Variants in BUD23 observed in about 807,000 individuals in gnomAD.
BUD23 encodes the protein BUD23 rRNA methyltransferase and ribosome maturation factor, also known as 18S rRNA (guanine-N(7))-methyltransferase.
Under a neutral mutation model 47.0 loss-of-function variants are expected in BUD23, and 34 were observed. The ratio of observed to expected loss-of-function variants is 0.72; its 90% CI spans 0.55 to 0.96. BUD23 has a LOEUF of 0.96. Among genes scored for constraint, BUD23 ranks in the 40% least tolerant of loss-of-function variants. BUD23 has a pLI of 0.00. For synonymous variants in BUD23, 124 were observed against 132.0 expected (o/e 0.94, Z 0.41); for missense variants, 343 against 361.2 (o/e 0.95, Z 0.41).
At chr7:73,695,262 C>CTTT in intron 10 of BUD23, 1 of 144,652 alleles carries the variant, frequency 6.9e-6, no homozygotes, top group Non-Finnish European at 1.5e-5. Context: ...ATCCTCCATT[C>CTTT]TTTTTTTTTT....
At position 73,698,070 on chromosome 7, in the gene BUD23, A is replaced by T; in HGVS notation, c.*184A>T. 5.8e-6 allele frequency: 2 copies of T among 347,028 alleles called. No homozygotes were observed. Among genetic ancestry groups the T allele is most frequent in the Admixed American group, 5.4e-5 (1 of 18,600 alleles). The allele number at this position is 347,028 out of a possible 1,614,324, so 21.5% of individuals were successfully genotyped here. On this transcript the variant is annotated 3_prime_UTR_variant, in exon 12 of 12. Coordinates refer to ENST00000265758, the MANE Select transcript of BUD23 (RefSeq NM_017528.5). ...CAGCACCTTGGGAGGCTGAGGTGGG[A>T]GGATCATTTGAGGCCAGGAGTTTGA...
chr7:73,690,281 G>C (rs565682199), intron 5 of BUD23, among the ~76,000 whole-genome samples: 1 of 152,112 alleles, frequency 6.6e-6, no homozygotes, highest in Non-Finnish European at 1.5e-5. Context: ...CTGGGATTAC[G>C]GGTATGAGCC....
At chr7:73,695,945 G>A (rs1798385884) in intron 10 of BUD23, 1 of 152,088 alleles carries the variant, frequency 6.6e-6, no homozygotes, top group Non-Finnish European at 1.5e-5. Context: ...GTTATTATTT[G>A]TATCTCCAGC....
chr7:73,686,775 T>G, intron 3 of BUD23, 43 bp from the exon 4 acceptor site: 1 of 1,614,072 alleles, frequency 6.2e-7, no homozygotes. Context: ...GGTGGTGAAG[T>G]GTCTTTGTAA....
Position 73,683,796 on chromosome 7 carries a change from C to T in BUD23, c.78C>T (p.Tyr26=), listed in dbSNP as rs1797822256. 1 of 1,614,158 alleles carries T rather than the reference C, an allele frequency of 6.2e-7. No homozygotes were observed. The change falls in exon 2 of 12, where the codon TAC becomes TAT. Residue 26 remains tyrosine (Y), a synonymous_variant. Coordinates refer to ENST00000265758, the MANE Select transcript of BUD23 (RefSeq NM_017528.5). ...LFYDETEARK[Y]VRNSRMIDIQ... ...ATGACGAGACAGAAGCCCGGAAATA[C>T]GTTCGCAAGTGAGGGGAGCCTGAAT...
chr7:73,686,479 C>G (rs1227471397), intron 2 of BUD23, among the ~76,000 whole-genome samples, 157 bp from the exon 3 acceptor site: 2 of 152,122 alleles, frequency 1.3e-5, no homozygotes, highest in Non-Finnish European at 2.9e-5. Flanking sequence ...TTTGTTGATC[C>G]CAACTTAGAA....
Position 73,698,049 on chromosome 7 carries a change from A to G in BUD23, c.*163A>G. ...GGTGGCTCACACCTGTAATCCCAGCACCTTGGGAGGCTGAGGTGGGAGGAT... is the reference window on the plus strand; with the variant it reads ...GGTGGCTCACACCTGTAATCCCAGCGCCTTGGGAGGCTGAGGTGGGAGGAT... On this transcript the variant is annotated 3_prime_UTR_variant, in exon 12 of 12. Transcript: ENST00000265758. 1.6e-6 allele frequency: 1 copy of G among 608,828 alleles called. No individual in the cohort carries two copies. Among genetic ancestry groups the G allele is most frequent in the Non-Finnish European group, 2.5e-6 (1 of 401,808 alleles). The allele number at this position is 608,828 out of a possible 1,614,324, so 37.7% of individuals were successfully genotyped here.
chr7:73,694,227 G>C lies in BUD23; in HGVS notation c.701+177G>C, dbSNP rs1798308749. On this transcript the variant is annotated intron_variant, in intron 10 of 11. Coordinates refer to ENST00000265758, the MANE Select transcript of BUD23 (RefSeq NM_017528.5). ...GTGCCTGTTTGGGGCTAGGGGTTTG[G>C]GGTCCTGGATGTCTGGGTGCAGCCA... is the stretch of plus-strand genomic sequence containing the variant. The C allele has an allele frequency of 4.6e-6, 3 of 647,770 alleles. No individual in the cohort carries two copies. The South Asian group carries it at 6.9e-5, about 15-fold the overall frequency. 40.1% of individuals were successfully genotyped at this position (647,770 alleles called of 1,614,324 possible). A position where few individuals can be genotyped will look rare whatever the true frequency, so the allele number is the denominator to read the frequency against.
intron 5 of BUD23, among the ~76,000 whole-genome samples, chr7:73,689,559 G>A (rs1798108971): frequency 6.6e-6 from 1 of 152,168 alleles, no homozygotes; most frequent in Non-Finnish European, 1.5e-5. Flanking sequence ...CTTGGGTGGA[G>A]GGGCTGCACC....
At chr7:73,688,205 A>G (rs527571723) in intron 5 of BUD23, among the ~76,000 whole-genome samples, 58 of 152,122 alleles carry the variant, frequency 3.8e-4, no homozygotes, top group Non-Finnish European at 7.2e-4. Context: ...CTAAAAAGCT[A>G]GACATGGTGG....
intron 2 of BUD23, among the ~76,000 whole-genome samples, chr7:73,686,004 G>A (rs1212828870): frequency 2.0e-5 from 3 of 151,778 alleles, no homozygotes; most frequent in Non-Finnish European, 4.4e-5. Context: ...GCTGAGGCAG[G>A]AGAATGGCAT....
chr7:73,693,858 C>T (rs1360325750), intron 9 of BUD23, 134 bp from the exon 10 acceptor site: 13 of 1,331,146 alleles, frequency 9.8e-6, no homozygotes, highest in African/African-American at 1.5e-5. Context: ...CCCAGAAAGG[C>T]GTGTCAGTTC....
At chr7:73,696,449 T>C (rs2116707890) in intron 10 of BUD23, 1 of 152,338 alleles carries the variant, frequency 6.6e-6, no homozygotes, top group South Asian at 2.1e-4. Context: ...CGACATGTCC[T>C]AAAAGTAAAT....
rs1324783570 is a variant in BUD23 at position 73,690,974 on chromosome 7, C to CG, written c.422dup (p.Leu142ProfsTer25). On this transcript the variant is annotated frameshift_variant, in exon 6 of 12. Coordinates refer to ENST00000265758, the MANE Select transcript of BUD23 (RefSeq NM_017528.5). LOFTEE classifies it high-confidence loss of function. ...CAAGAAGTCTGAAAACCCTGCCAAG[C>CG]GCCTGTACTGCTTTTTTGCTTCTCT... is the stretch of plus-strand genomic sequence containing the variant. 1.9e-6 allele frequency: 3 copies of CG among 1,614,048 alleles called. No homozygotes were observed. In the Admixed American group the frequency reaches 5.0e-5, roughly 27 times the overall value.
Position 73,683,788 on chromosome 7 carries a change from C to T in BUD23, c.70C>T (p.Arg24Trp), listed in dbSNP as rs782098612. The T allele has an allele frequency of 1.2e-6, 2 of 1,614,146 alleles. No homozygotes were observed. Among genetic ancestry groups the T allele is most frequent in the Admixed American group, 1.7e-5 (1 of 60,022 alleles). The change falls in exon 2 of 12, where the codon CGG becomes TGG. Residue 24 changes from arginine (R) to tryptophan (W), a missense_variant. By Grantham distance (101) the Arg-to-Trp change is moderately radical (BLOSUM62 -3). Transcript: ENST00000265758. Reference protein sequence around the residue: ...PELFYDETEARKYVRNSRMID... With the variant: ...PELFYDETEAWKYVRNSRMID... ...GCAGTTTTATGACGAGACAGAAGCC[C>T]GGAAATACGTTCGCAAGTGAGGGGA...
intron 5 of BUD23, among the ~76,000 whole-genome samples, 175 bp from the exon 6 acceptor site, chr7:73,690,741 G>T (rs45547335): frequency 0.02 from 3,071 of 152,236 alleles, 34 homozygotes; most frequent in Non-Finnish European, 0.029. Flanking sequence ...AAAGTGCTGG[G>T]ATTACAGGGC....
At chr7:73,693,450 A>C in intron 8 of BUD23, 36 bp downstream of exon 8, 2 of 1,612,386 alleles carry the variant, frequency 1.2e-6, no homozygotes, top group East Asian at 4.5e-5. Flanking sequence ...CCTGGGCTGC[A>C]GGAGGGAGGG....
intron 9 of BUD23, 35 bp downstream of exon 9, chr7:73,693,704 CT>C: frequency 6.2e-7 from 1 of 1,613,490 alleles, no homozygotes; most frequent in Non-Finnish European, 8.5e-7. Flanking sequence ...AGGCCTGTGT[CT>C]TTTGACTTCC....
In BUD23 at chr7:73,697,593, T is replaced by C. The variant is rs572191537; in HGVS notation, c.702-12T>C. 4.3e-5 allele frequency: 69 copies of C among 1,613,460 alleles called. No homozygotes were observed. In the Admixed American group the frequency reaches 4.3e-4, roughly 10 times the overall value. On this transcript the variant is annotated splice_polypyrimidine_tract_variant and intron_variant, in intron 10 of 11. Coordinates refer to ENST00000265758, the MANE Select transcript of BUD23 (RefSeq NM_017528.5). ...AGCTGTCCATCAGCTCATAGCTGTG[T>C]CTCCGCCACAGGTTCCCATTAAGGA...
Sources: allele counts gnomAD v4.1 joint callset (sites outside exome capture counted in the v4.1 genomes callset), GRCh38; gene constraint gnomAD v4.1.1; transcripts MANE v1.5; gene names NCBI Gene and HGNC (gene_info 2026-07-23, HGNC 2026-07-21).